FMN2: variants seen among roughly 807,000 people sequenced by gnomAD.
FMN2 encodes the protein formin-2.
Under a neutral mutation model 142.3 loss-of-function variants are expected in FMN2, and 51 were observed. That is an observed-to-expected ratio of 0.36 (90% CI 0.29 to 0.45). The LOEUF is 0.45. FMN2 is among the 20% of genes least tolerant of loss of function. The pLI, the probability that FMN2 is intolerant of heterozygous loss-of-function variation, is 1.00. For synonymous variants in FMN2, 882 were observed against 869.8 expected, an observed-to-expected ratio of 1.01 and a Z score of -0.25; for missense variants, 1,936 against 2,122.8, an observed-to-expected ratio of 0.91 and a Z score of 1.73.
chr1:240,427,275 G>A (rs1353855110), intron 15 of FMN2, among the ~76,000 whole-genome samples: 2 of 150,558 alleles, frequency 1.3e-5, no homozygotes, highest in African/African-American at 2.4e-5. Context: ...GTGCTATCTC[G>A]GCTCACTGCA....
Position 240,154,752 on chromosome 1 carries a change from C to T in FMN2, c.1783-23169C>T, listed in dbSNP as rs369897634. The T allele has an allele frequency of 5.6e-4, 85 of 152,284 alleles. 1 individual carries two copies. Among genetic ancestry groups the T allele is most frequent in the Middle Eastern group, 3.4e-3 (1 of 294 alleles). The allele number at this position is 152,284 out of a possible 1,614,324, so 9.4% of individuals were successfully genotyped here. On this transcript the variant is annotated intron_variant, in intron 2 of 17. Coordinates refer to ENST00000319653, the MANE Select transcript of FMN2 (RefSeq NM_020066.5). ...AATCAATTGAAATCAATTGAAATAA[C>T]TCACTACCCTTGGACCAACCAGAGA...
At chr1:240,171,413 A>C (rs1197074799) in intron 2 of FMN2, 73 of 485,728 alleles carry the variant, frequency 1.5e-4, no homozygotes, top group Non-Finnish European at 1.1e-5. Flanking sequence ...GATGTGCGTC[A>C]TTCATGAATC....
At chr1:240,106,727 TAG>T (rs1661623527) in intron 1 of FMN2, among the ~76,000 whole-genome samples, 2 of 151,902 alleles carry the variant, frequency 1.3e-5, no homozygotes. Context: ...CTCTTGTTGC[TAG>T]GCTGGAGTGC....
chr1:240,274,578 TTAGG>T (rs991622002), intron 7 of FMN2, among the ~76,000 whole-genome samples: 3 of 151,972 alleles, frequency 2.0e-5, no homozygotes, highest in African/African-American at 7.3e-5. Context: ...AACAGAGGGT[TTAGG>T]TAGAGGAACG....
intron 6 of FMN2, among the ~76,000 whole-genome samples, chr1:240,240,189 T>C (rs1340645357): frequency 6.6e-6 from 1 of 152,104 alleles, no homozygotes. Flanking sequence ...TGAGGGGTAG[T>C]GTGGAATAGT....
At chr1:240,360,671 C>T (rs570729850) in intron 14 of FMN2, among the ~76,000 whole-genome samples, 54 of 152,188 alleles carry the variant, frequency 3.5e-4, no homozygotes, top group Non-Finnish European at 5.9e-4. Flanking sequence ...AGAGAGTTTA[C>T]GTATGTTTAT....
At chr1:240,199,188 T>C (rs1414055324) in intron 4 of FMN2, among the ~76,000 whole-genome samples, 1 of 152,206 alleles carries the variant, frequency 6.6e-6, no homozygotes, top group East Asian at 1.9e-4. Context: ...TTTACAGATG[T>C]CTAGAGGTAT....
At chr1:240,284,778 T>C (rs949562364) in intron 7 of FMN2, among the ~76,000 whole-genome samples, 3 of 152,090 alleles carry the variant, frequency 2.0e-5, no homozygotes. Flanking sequence ...TAATAGGCAA[T>C]GTAGTGAGTA....
At chr1:240,130,338 A>G (rs1019212995) in intron 2 of FMN2, among the ~76,000 whole-genome samples, 3 of 152,078 alleles carry the variant, frequency 2.0e-5, no homozygotes, top group African/African-American at 7.2e-5. Context: ...AGTCTCACTC[A>G]GTCACCCAGG....
intron 6 of FMN2, among the ~76,000 whole-genome samples, chr1:240,256,056 G>A (rs1240808809): frequency 6.6e-6 from 1 of 152,244 alleles, no homozygotes; most frequent in Non-Finnish European, 1.5e-5. Flanking sequence ...TAGGGAGGTC[G>A]AATGATAGAT....
intron 15 of FMN2, among the ~76,000 whole-genome samples, chr1:240,434,271 GT>G (rs1401875870): frequency 6.6e-6 from 1 of 152,152 alleles, no homozygotes; most frequent in Non-Finnish European, 1.5e-5. Context: ...TAAGATGTCT[GT>G]CTTTTTGTAG....
Position 240,366,862 on chromosome 1 carries a change from T to C in FMN2, c.4858+10954T>C, listed in dbSNP as rs1485743382. ...CACCGCGCCCGGCCCTCTATCCCTG[T>C]TTTATTGATTATGGACAATACTTAT... On this transcript the variant is annotated intron_variant, in intron 14 of 17. Coordinates refer to ENST00000319653, the MANE Select transcript of FMN2 (RefSeq NM_020066.5). 3.3e-5 allele frequency among the ~76,000 whole-genome samples: 5 copies of C among 152,302 alleles called. No homozygotes were observed. In the East Asian group the frequency reaches 9.7e-4, roughly 29 times the overall value.
At chr1:240,150,107 A>T (rs997269029) in intron 2 of FMN2, among the ~76,000 whole-genome samples, 1 of 152,210 alleles carries the variant, frequency 6.6e-6, no homozygotes, top group Non-Finnish European at 1.5e-5. Flanking sequence ...ACAGATTTTT[A>T]ATTAAGTTGT....
rs148564425 is a variant in FMN2, at chr1:240,252,514, G to A, written c.4066-5431G>A. Among the ~76,000 whole-genome samples, 11 of 149,880 alleles carry A rather than the reference G, an allele frequency of 7.3e-5. No individual in the cohort carries two copies. The East Asian group carries it at 2.2e-3, about 30-fold the overall frequency. Reference sequence around the variant, plus strand: ...TGTATTTCTCCATCATTTATGGAGGGTAACTTTGCTGGGAAGAGTATCTTG... The same window carrying A: ...TGTATTTCTCCATCATTTATGGAGGATAACTTTGCTGGGAAGAGTATCTTG... On this transcript the variant is annotated intron_variant, in intron 6 of 17. Coordinates refer to ENST00000319653, the MANE Select transcript of FMN2 (RefSeq NM_020066.5).
At chr1:240,436,700 T>G (rs974570901) in intron 15 of FMN2, among the ~76,000 whole-genome samples, 3 of 152,004 alleles carry the variant, frequency 2.0e-5, no homozygotes, top group Non-Finnish European at 4.4e-5. Flanking sequence ...ACTCAATATT[T>G]TAATGCTCAA....
chr1:240,466,512 A>C (rs191044094), intron 16 of FMN2, among the ~76,000 whole-genome samples: 29 of 152,282 alleles, frequency 1.9e-4, no homozygotes, highest in African/African-American at 6.5e-4. Context: ...TTTTTGCCCA[A>C]GACCTAGAAA....
intron 6 of FMN2, among the ~76,000 whole-genome samples, chr1:240,248,618 A>G (rs141972009): frequency 3.4e-3 from 524 of 152,058 alleles, no homozygotes; most frequent in Middle Eastern, 6.9e-3. Flanking sequence ...CATACCCAGG[A>G]GTGGGATTGC....
chr1:240,139,170 A>G (rs1313766487), intron 2 of FMN2, among the ~76,000 whole-genome samples: 1 of 152,112 alleles, frequency 6.6e-6, no homozygotes, highest in Non-Finnish European at 1.5e-5. Flanking sequence ...AGCCTTGGGG[A>G]TTTGGTTGCT....
chr1:240,170,870 A>G (rs1051289081), intron 2 of FMN2: 1 of 806,054 alleles, frequency 1.2e-6, no homozygotes, highest in African/African-American at 1.7e-5. Context: ...AGGGCTAAAG[A>G]GTTTGGAGCC....
Sources: allele counts gnomAD v4.1 joint callset (sites outside exome capture counted in the v4.1 genomes callset), GRCh38; gene constraint gnomAD v4.1.1; transcripts MANE v1.5; gene names NCBI Gene and HGNC (gene_info 2026-07-23, HGNC 2026-07-21).